The following GCC2 variants were observed in gnomAD, a reference collection of about 807,000 sequenced individuals.
The protein encoded by GCC2 is GRIP and coiled-coil domain-containing protein 2.
Under a neutral mutation model 210.6 loss-of-function variants are expected in GCC2, and 120 were observed. That is an observed-to-expected ratio of 0.57 (90% CI 0.49 to 0.66). The LOEUF (loss-of-function observed/expected upper bound fraction) is 0.66. Ranked by LOEUF, GCC2 falls within the 30% of genes least tolerant of loss-of-function variation. The pLI is 0.00. For missense variants in GCC2, 1,868 were observed against 1,871.9 expected (o/e 1.00, Z 0.04); for synonymous variants, 703 against 652.7 (o/e 1.08, Z -1.17).
At chr2:108,499,916 C>T (rs1212826039) in intron 22 of GCC2, among the ~76,000 whole-genome samples, 162 bp downstream of exon 22, 1 of 152,146 alleles carries the variant, frequency 6.6e-6, no homozygotes, top group Non-Finnish European at 1.5e-5. Context: ...GACTTTTTAA[C>T]ATCTTGAGGC....
chr2:108,450,184 A>G (rs1310091483), intron 2 of GCC2, among the ~76,000 whole-genome samples: 1 of 152,178 alleles, frequency 6.6e-6, no homozygotes, highest in African/African-American at 2.4e-5. Flanking sequence ...TCCTTCGTTT[A>G]AGCTTCATGA....
chr2:108,506,950 TTAA>T (rs1192609974), intron 22 of GCC2, among the ~76,000 whole-genome samples: 2 of 152,216 alleles, frequency 1.3e-5, no homozygotes, highest in African/African-American at 4.8e-5. Context: ...CTGGATTTCT[TTAA>T]TAAAGCCATT....
intron 22 of GCC2, among the ~76,000 whole-genome samples, chr2:108,503,570 A>G (rs1683035181): frequency 2.6e-5 from 4 of 152,150 alleles, no homozygotes; most frequent in Non-Finnish European, 4.4e-5. Context: ...GAAAATAATA[A>G]CCAACACTGC....
Position 108,449,220 on chromosome 2 carries a change from A to G in GCC2, c.-55A>G. On this transcript the variant is annotated 5_prime_UTR_variant, in exon 1 of 23. Coordinates refer to ENST00000309863, the MANE Select transcript of GCC2 (RefSeq NM_181453.4). ...GAGCCTACGTCAGAGGCTGGCGCAA[A>G]CAGAAGTGCAGCGGTGGCGGCGGCT... 3 of 1,536,136 alleles carry G rather than the reference A, an allele frequency of 2.0e-6. No individual in the cohort carries two copies. Among genetic ancestry groups the G allele is most frequent in the Non-Finnish European group, 2.6e-6 (3 of 1,134,426 alleles).
In GCC2 at chr2:108,470,151, C is replaced by T. The variant is rs776525647; in HGVS notation, c.822C>T (p.Asn274=). 13 of 1,613,420 alleles carry T rather than the reference C, an allele frequency of 8.1e-6. No individual in the cohort carries two copies. Among genetic ancestry groups the T allele is most frequent in the Admixed American group, 1.7e-5 (1 of 59,982 alleles). ...KEHEAEINKL[N]ELKENLVKQC... ...ATGAAGCAGAGATAAATAAGTTGAA[C>T]GAGCTAAAAGAGAACTTAGTAAAAC... Residue 274 remains asparagine, a synonymous_variant, in exon 6 of 23, where the codon AAC becomes AAT. Coordinates refer to ENST00000309863, the MANE Select transcript of GCC2 (RefSeq NM_181453.4).
In GCC2 at chr2:108,508,098, TGA is replaced by T; in HGVS notation, c.*469_*470del. 1 of 108,890 alleles carries T rather than the reference TGA, an allele frequency of 9.2e-6. No individual in the cohort carries two copies. The allele number at this position is 108,890 out of a possible 1,614,324, so 6.7% of individuals were successfully genotyped here. ...AGAATTGCTTGAGGCTAGTGAGCTG[TGA>T]CTCCCACTGCACTCCAGCTCGGGGA... On this transcript the variant is annotated 3_prime_UTR_variant, in exon 23 of 23. Coordinates refer to ENST00000309863, the MANE Select transcript of GCC2 (RefSeq NM_181453.4).
At chr2:108,473,011 G>GT (rs1681321202) in intron 7 of GCC2, 112 bp downstream of exon 7, 2 of 599,662 alleles carry the variant, frequency 3.3e-6, no homozygotes, top group Non-Finnish European at 2.8e-6. Flanking sequence ...AACACAGTTC[G>GT]TAGCTGTCTT....
At chr2:108,496,800 C>G in intron 20 of GCC2, 170 bp from the exon 21 acceptor site, 1 of 924,232 alleles carries the variant, frequency 1.1e-6, no homozygotes. Flanking sequence ...ATTTGTGTCA[C>G]CTACAACATA....
At chr2:108,479,053 GA>G (rs1339914268) in intron 9 of GCC2, among the ~76,000 whole-genome samples, 1 of 152,032 alleles carries the variant, frequency 6.6e-6, no homozygotes, top group Non-Finnish European at 1.5e-5. Context: ...AAATTAGCTG[GA>G]CGTGGTGGCT....
intron 4 of GCC2, among the ~76,000 whole-genome samples, chr2:108,458,989 T>C (rs1457984005): frequency 6.6e-6 from 1 of 152,198 alleles, no homozygotes; most frequent in Non-Finnish European, 1.5e-5. Flanking sequence ...TTCTTTCTGG[T>C]TCATTGAGGT....
chr2:108,499,938 A>C (rs1189384269), intron 22 of GCC2, among the ~76,000 whole-genome samples, 184 bp downstream of exon 22: 3 of 152,198 alleles, frequency 2.0e-5, no homozygotes, highest in Non-Finnish European at 4.4e-5. Context: ...ACTGTAGTAC[A>C]TTTATATAAT....
chr2:108,490,971 GTCTTTCC>G (rs1347115659), intron 18 of GCC2, among the ~76,000 whole-genome samples: 1 of 152,098 alleles, frequency 6.6e-6, no homozygotes, highest in Non-Finnish European at 1.5e-5. Flanking sequence ...ATCTTTAGGA[GTCTTTCC>G]TCTTCTTCAG....
intron 22 of GCC2, among the ~76,000 whole-genome samples, chr2:108,503,042 T>C (rs1393094292): frequency 5.9e-5 from 9 of 151,874 alleles, no homozygotes; most frequent in Non-Finnish European, 1.3e-4. Flanking sequence ...TTTTACTAAT[T>C]GAAGTTCTAA....
rs192427901 is a variant in GCC2, at chr2:108,465,702, A to G, written c.217-3278A>G. Among the ~76,000 whole-genome samples, 132 of 152,296 alleles carry G rather than the reference A, an allele frequency of 8.7e-4. 2 individuals carry two copies. Among genetic ancestry groups the G allele is most frequent in the African/African-American group, 3.1e-3 (127 of 41,556 alleles). On this transcript the variant is annotated intron_variant, in intron 4 of 22. Coordinates refer to ENST00000309863, the MANE Select transcript of GCC2 (RefSeq NM_181453.4). The stretch of plus-strand genomic sequence containing the variant: ...CCTTTTTATGGCTGAGTAGTATTCT[A>G]TAAGTCATTTTGGATTGCTGGATTG...
rs1302222404 is a variant in GCC2 at position 108,483,063 on chromosome 2, A to C, written c.3347A>C (p.Glu1116Ala). 2.7e-6 allele frequency: 4 copies of C among 1,509,024 alleles called. No individual in the cohort carries two copies. Among genetic ancestry groups the C allele is most frequent in the Admixed American group, 3.4e-5 (2 of 59,274 alleles). The allele number at this position is 1,509,024 out of a possible 1,614,324, so 93.5% of individuals were successfully genotyped here. A position where few individuals can be genotyped will look rare whatever the true frequency, so the allele number is the denominator to read the frequency against. The change falls in exon 12 of 23, where the codon GAA becomes GCA. Residue 1116 changes from glutamate to alanine, a missense_variant and splice_region_variant. By Grantham distance (107) the Glu-to-Ala change is moderately radical. Around this residue, in one of 3 missense-constraint regions of GCC2, gnomAD observed 1,847 missense variants for 1,765.2 expected, o/e 1.05. Coordinates refer to ENST00000309863, the MANE Select transcript of GCC2 (RefSeq NM_181453.4). Reference sequence around the variant, plus strand: ...GGTTGTTTTTATTTTTAATTTCAGGAACATGCCACTACTGTAAATGAACTT... The same window carrying C: ...GGTTGTTTTTATTTTTAATTTCAGGCACATGCCACTACTGTAAATGAACTT... ...EKLQKEQKIK[E>A]HATTVNELEE...
chr2:108,488,810 GTATGTT>G (rs1290612465), intron 17 of GCC2, among the ~76,000 whole-genome samples: 3 of 152,124 alleles, frequency 2.0e-5, no homozygotes, highest in African/African-American at 7.2e-5. Flanking sequence ...TGAAATTTTT[GTATGTT>G]TATGTTTCTG....
In GCC2 at chr2:108,460,594, T is replaced by A. The variant is rs190154421; in HGVS notation, c.216+8128T>A. ...TCCTTTCACTTTCAGGTTTAGGACT[T>A]CTTGAACATTTCTTGTAGGTCTGGT... On this transcript the variant is annotated intron_variant, in intron 4 of 22. Coordinates refer to ENST00000309863, the MANE Select transcript of GCC2 (RefSeq NM_181453.4). Among the ~76,000 whole-genome samples, 7 of 152,340 alleles carry A rather than the reference T, an allele frequency of 4.6e-5. No homozygotes were observed. In the East Asian group the frequency reaches 9.6e-4, roughly 21 times the overall value.
chr2:108,450,981 T>TA, intron 2 of GCC2, 47 bp from the exon 3 acceptor site: 1 of 1,190,962 alleles, frequency 8.4e-7, no homozygotes, highest in Non-Finnish European at 1.3e-6. Context: ...TGTGGTATAC[T>TA]AGAAACATGA....
At chr2:108,493,424 T>C in intron 19 of GCC2, 1 of 983,134 alleles carries the variant, frequency 1.0e-6, no homozygotes, top group Non-Finnish European at 1.2e-6. Flanking sequence ...CCAGATTTCT[T>C]TCATGTTCTC....
Sources: gnomAD v4.1 joint callset for allele counts (sites outside exome capture counted in the v4.1 genomes callset) on GRCh38, gnomAD v4.1.1 for gene constraint, gnomAD v4.1.1 regional missense constraint, MANE v1.5 for transcripts, NCBI Gene and HGNC (gene_info 2026-07-23, HGNC 2026-07-21) for gene names.